The following SLC5A11 variants were observed in gnomAD, a reference collection of about 807,000 sequenced individuals.
SLC5A11 encodes solute carrier family 5 member 11.
Under a neutral mutation model 69.8 loss-of-function variants are expected in SLC5A11, and 48 were observed. That is an observed-to-expected ratio of 0.69 (90% CI 0.55 to 0.87). SLC5A11 has a LOEUF of 0.87. SLC5A11 is among the 40% of genes least tolerant of loss of function. SLC5A11 has a pLI of 0.00. For missense variants in SLC5A11, 784 were observed against 866.1 expected (o/e 0.91, Z 1.19); for synonymous variants, 319 against 342.4 (o/e 0.93, Z 0.75).
At chr16:24,910,620 TCC>T in intron 15 of SLC5A11, 143 bp downstream of exon 16, 1 of 917,748 alleles carries the variant, frequency 1.1e-6, no homozygotes, top group South Asian at 1.8e-5. Flanking sequence ...GTCTGATCTG[TCC>T]CCACGCTCCG....
At chr16:24,865,673 C>T (rs761812039) in intron 3 of SLC5A11, among the ~76,000 whole-genome samples, 3 of 151,892 alleles carry the variant, frequency 2.0e-5, no homozygotes, top group Non-Finnish European at 4.4e-5. Flanking sequence ...GCAAAACTAT[C>T]CTTTGAAAAA....
rs2059584176 is a variant in SLC5A11 at position 24,857,443 on chromosome 16, T to C, written c.-24-1177T>C. Among the ~76,000 whole-genome samples the C allele has an allele frequency of 2.0e-5, 3 of 152,206 alleles. No individual in the cohort carries two copies. The South Asian group carries it at 6.2e-4, about 32-fold the overall frequency. ...CTAAAACAACATAAATTTATGACCT[T>C]ACAGTTACAGAGGTTAGAAGTTCTA... On this transcript the variant is annotated intron_variant, in intron 1 of 15. Transcript: ENST00000347898.
Position 24,890,898 on chromosome 16 carries a change from CT to C in SLC5A11, c.695del (p.Leu232ArgfsTer34). On this transcript the variant is annotated frameshift_variant, in exon 9 of 16. Transcript: ENST00000347898. LOFTEE classifies it high-confidence loss of function. ...CGCCGCGGTTGGTGGGATGGAAGGACTGAAGGAGAAGTACTTCTTGGCCCTG... is the reference window on the plus strand; with the variant it reads ...CGCCGCGGTTGGTGGGATGGAAGGACGAAGGAGAAGTACTTCTTGGCCCTG... The C allele has an allele frequency of 6.2e-7, 1 of 1,614,136 alleles. No homozygotes were observed. Among genetic ancestry groups the C allele is most frequent in the Middle Eastern group, 1.6e-4 (1 of 6,062 alleles).
chr16:24,879,656 G>T (rs900650463), intron 7 of SLC5A11, among the ~76,000 whole-genome samples: 1 of 152,152 alleles, frequency 6.6e-6, no homozygotes, highest in African/African-American at 2.4e-5. Flanking sequence ...AGAATCTCTT[G>T]AACGCAGGAG....
chr16:24,849,593 A>AAAAAAAAAAAAAAT, intron 1 of SLC5A11, among the ~76,000 whole-genome samples: 11 of 35,908 alleles, frequency 3.1e-4, no homozygotes, highest in African/African-American at 1.0e-3. Context: ...AAAAAAAAAA[A>AAAAAAAAAAAAAAT]ATATATATAT....
chr16:24,854,956 T>C (rs568683668), intron 1 of SLC5A11, among the ~76,000 whole-genome samples: 3 of 126,792 alleles, frequency 2.4e-5, no homozygotes, highest in Non-Finnish European at 3.8e-5. Flanking sequence ...AGGTTAGCCT[T>C]GTGTGTGTGT....
At chr16:24,906,922 C>A in intron 11 of SLC5A11, 103 bp from the exon 13 acceptor site, 1 of 1,500,572 alleles carries the variant, frequency 6.7e-7, no homozygotes, top group Non-Finnish European at 9.0e-7. Context: ...GAAGCTCTGC[C>A]CCGCCGTCCT....
chr16:24,891,309 CCTT>C (rs2048788362), intron 9 of SLC5A11, among the ~76,000 whole-genome samples: 1 of 111,480 alleles, frequency 9.0e-6, no homozygotes, highest in Admixed American at 1.2e-4. Flanking sequence ...ACACACTCTG[CCTT>C]TTTTTTTTTT....
chr16:24,856,597 CAAAAAAA>C (rs35867622), intron 1 of SLC5A11, among the ~76,000 whole-genome samples: 6,764 of 88,904 alleles, frequency 0.076, 273 homozygotes, highest in South Asian at 0.2. Flanking sequence ...ACTAAAAATA[CAAAAAAA>C]AAAAAAAAAA....
intron 2 of SLC5A11, 31 bp from the exon 4 acceptor site, chr16:24,862,570 C>G (rs2046640237): frequency 6.3e-7 from 1 of 1,593,956 alleles, no homozygotes; most frequent in Admixed American, 1.7e-5. Context: ...CTAACGTCTT[C>G]CCTCACCCAC....
Position 24,858,643 on chromosome 16 carries a change from C to T in SLC5A11, c.-1C>T, listed in dbSNP as rs760917184. 4 of 1,608,968 alleles carry T rather than the reference C, an allele frequency of 2.5e-6. No individual in the cohort carries two copies. The African/African-American group carries it at 5.3e-5, about 21-fold the overall frequency. On this transcript the variant is annotated 5_prime_UTR_variant, in exon 2 of 16. Coordinates refer to ENST00000347898, the Ensembl canonical transcript of SLC5A11. ...AGGATCCAGAGGTCTCGTTCAGGAC[C>T]ATGGAGAGCGGCACCAGCAGCCCTC...
intron 9 of SLC5A11, among the ~76,000 whole-genome samples, chr16:24,896,190 C>T (rs2049153051): frequency 6.7e-6 from 1 of 150,170 alleles, no homozygotes; most frequent in African/African-American, 2.5e-5. Flanking sequence ...TCTGTCTCTA[C>T]AAAAAATAAA....
At chr16:24,858,340 T>C (rs548630590) in intron 1 of SLC5A11, among the ~76,000 whole-genome samples, 17 of 152,326 alleles carry the variant, frequency 1.1e-4, no homozygotes, top group Admixed American at 9.2e-4. Flanking sequence ...TCATCTGTAC[T>C]ATTGCAATTG....
At position 24,884,050 on chromosome 16, in the gene SLC5A11, G is replaced by C. The variant is rs2048227075; in HGVS notation, c.584-1G>C. 1 of 1,610,132 alleles carries C rather than the reference G, an allele frequency of 6.2e-7. No individual in the cohort carries two copies. The highest frequency in any genetic ancestry group is 1.3e-5 in the African/African-American group (1 of 74,350). ...CCTCACCTCCGTGCTCATCCCACCA[G>C]GTGGCCTGGCTGCTGTGATCTACAC... On this transcript the variant is annotated splice_acceptor_variant, in intron 7 of 15. Transcript: ENST00000347898. LOFTEE classifies it high-confidence loss of function.
intron 3 of SLC5A11, among the ~76,000 whole-genome samples, chr16:24,864,902 C>CA (rs1045056031): frequency 4.1e-5 from 6 of 146,144 alleles, no homozygotes; most frequent in African/African-American, 1.0e-4. Context: ...TTTGAGCAGG[C>CA]AAAAAAAATG....
At chr16:24,905,463 T>A (rs550448055) in intron 10 of SLC5A11, among the ~76,000 whole-genome samples, 2 of 150,360 alleles carry the variant, frequency 1.3e-5, no homozygotes, top group South Asian at 4.2e-4. Flanking sequence ...AAAATAAAAA[T>A]AAAAAAATTA....
intron 7 of SLC5A11, among the ~76,000 whole-genome samples, chr16:24,881,406 C>T (rs1883767915): frequency 6.6e-6 from 1 of 152,058 alleles, no homozygotes; most frequent in Admixed American, 6.6e-5. Flanking sequence ...CCTGCCTCAG[C>T]CTCCCAAGTA....
intron 1 of SLC5A11, among the ~76,000 whole-genome samples, chr16:24,849,334 G>A (rs1407491447): frequency 3.3e-5 from 5 of 151,980 alleles, no homozygotes; most frequent in East Asian, 1.9e-4. Flanking sequence ...TTGGGAGGCC[G>A]AGGCGGGTGG....
chr16:24,846,093 C>T (rs1381019037), exon 1 of SLC5A11: 1 of 152,396 alleles, frequency 6.6e-6, no homozygotes, highest in East Asian at 1.9e-4. Context: ...AGGTGAGGAC[C>T]CTGGTGGAGG....
Sources: gnomAD v4.1 joint callset for allele counts (sites outside exome capture counted in the v4.1 genomes callset) on GRCh38, gnomAD v4.1.1 for gene constraint, MANE v1.5 for transcripts, NCBI Gene and HGNC (gene_info 2026-07-23, HGNC 2026-07-21) for gene names.